NXN: variants seen among roughly 807,000 people sequenced by gnomAD.
NXN encodes the protein nucleoredoxin.
A neutral mutation model predicts 48.6 loss-of-function variants in NXN; 16 were observed. The observed-to-expected ratio is 0.33, with a 90% CI of 0.22 to 0.50. The LOEUF (loss-of-function observed/expected upper bound fraction) is 0.50. NXN is among the 20% of genes least tolerant of loss of function. The probability of loss-of-function intolerance (pLI) is 0.98; values close to 1 mark genes in which losing one functional copy is unlikely to be tolerated. For synonymous variants in NXN, 281 were observed against 269.6 expected (o/e 1.04, Z -0.41); for missense variants, 492 against 605.5 (o/e 0.81, Z 1.97).
intron 1 of NXN, among the ~76,000 whole-genome samples, chr17:896,378 G>T (rs1341350207): frequency 6.6e-6 from 1 of 151,842 alleles, no homozygotes; most frequent in African/African-American, 2.4e-5. Flanking sequence ...AGGCATGGTG[G>T]CGTGTGCCTG....
intron 1 of NXN, among the ~76,000 whole-genome samples, chr17:912,348 T>G (rs927135483): frequency 6.7e-6 from 1 of 149,020 alleles, no homozygotes; most frequent in South Asian, 2.1e-4. Context: ...TAAGATCTGT[T>G]GAGAAATTCC....
chr17:979,603 G>A lies in NXN; in HGVS notation c.76C>T (p.Leu26=). The A allele has an allele frequency of 6.9e-7, 1 of 1,457,166 alleles. No individual in the cohort carries two copies. The allele number at this position is 1,457,166 out of a possible 1,614,324, so 90.3% of individuals were successfully genotyped here. A position where few individuals can be genotyped will look rare whatever the true frequency, so the allele number is the denominator to read the frequency against. The change falls in exon 1 of 8, where the codon CTG becomes TTG. Residue 26 remains leucine, a synonymous_variant. Transcript: ENST00000336868. ...AGCAGCGAGATGCCGCGGGCGCCCA[G>A]CGAGTGCACGTCCACCTCCTCGCCG... The part of the protein sequence containing the change: ...GGGEEVDVHS[L]GARGISLLGL...
At chr17:805,319 G>A in intron 5 of NXN, 72 bp from the exon 6 acceptor site, 7 of 1,490,266 alleles carry the variant, frequency 4.7e-6, no homozygotes, top group Non-Finnish European at 6.3e-6. Context: ...GGCTCGCGGG[G>A]TCCAGCCCGG....
chr17:806,225 GCACAACC>G (rs1306825048), intron 5 of NXN, among the ~76,000 whole-genome samples: 12 of 66,450 alleles, frequency 1.8e-4, no homozygotes, highest in African/African-American at 7.2e-4. Context: ...CTGCACCCCA[GCACAACC>G]CCCTCCCCAG....
chr17:943,929 TCTC>T (rs760249107), intron 1 of NXN, among the ~76,000 whole-genome samples: 77 of 150,424 alleles, frequency 5.1e-4, no homozygotes, highest in Middle Eastern at 3.4e-3. Context: ...CGACAATCCT[TCTC>T]CTAAAAAAAA....
intron 1 of NXN, among the ~76,000 whole-genome samples, chr17:925,895 T>C (rs986950779): frequency 2.6e-5 from 4 of 152,234 alleles, no homozygotes; most frequent in African/African-American, 9.6e-5. Flanking sequence ...AGTCTTTAGT[T>C]TATCCAAAAC....
rs532473857 is a variant in NXN, at chr17:932,125, T to C, written c.360+47194A>G. On this transcript the variant is annotated intron_variant, in intron 1 of 7. Transcript: ENST00000336868. This position sits in a 1 kb window ranked among gnomAD's most constrained non-coding sequence, Gnocchi z 4.1. Reference sequence around the variant, plus strand: ...CACCACTGCACTCCAGCCTGGGCAATAGAGCAAGACCCTATCTCAAAAATA... The same window carrying C: ...CACCACTGCACTCCAGCCTGGGCAACAGAGCAAGACCCTATCTCAAAAATA... 6.6e-5 allele frequency among the ~76,000 whole-genome samples: 10 copies of C among 152,246 alleles called. No homozygotes were observed. The highest frequency in any genetic ancestry group is 3.9e-4 in the East Asian group (2 of 5,182).
rs1567829118 is a variant in NXN at position 843,045 on chromosome 17, AAAGAAAGAAAGAAGG to A, written c.361-16982_361-16968del. 2.0e-4 allele frequency among the ~76,000 whole-genome samples: 27 copies of A among 138,196 alleles called. 1 individual carries two copies. Among genetic ancestry groups the A allele is most frequent in the Middle Eastern group, 3.6e-3 (1 of 278 alleles). The allele number at this position is 138,196 out of a possible 152,430, so 90.7% of individuals were successfully genotyped here. A position where few individuals can be genotyped will look rare whatever the true frequency, so the allele number is the denominator to read the frequency against. Reference sequence around the variant, plus strand: ...GAAAGAAAGAAAGAAAGAAAGAAAGAAAGAAAGAAAGAAGGAAGAAAGCAAGCAAGCAAGCTGCAC... The same window carrying A: ...GAAAGAAAGAAAGAAAGAAAGAAAGAAAGAAAGCAAGCAAGCAAGCTGCAC... On this transcript the variant is annotated intron_variant, in intron 1 of 7. Coordinates refer to ENST00000336868, the MANE Select transcript of NXN (RefSeq NM_022463.5).
At chr17:822,483 C>A in intron 3 of NXN, 26 bp from the exon 4 acceptor site, 1 of 1,532,466 alleles carries the variant, frequency 6.5e-7, no homozygotes, top group Non-Finnish European at 9.0e-7. Flanking sequence ...GCAAGACCCG[C>A]TGCGTCACGC....
intron 5 of NXN, among the ~76,000 whole-genome samples, chr17:807,585 C>T (rs995630920): frequency 2.0e-5 from 3 of 150,900 alleles, no homozygotes; most frequent in Admixed American, 6.6e-5. Context: ...GGAGCCCCCA[C>T]CTGGCTTCTG....
At chr17:910,929 T>A (rs565806290) in intron 1 of NXN, 1 of 152,316 alleles carries the variant, frequency 6.6e-6, no homozygotes, top group African/African-American at 2.4e-5. Flanking sequence ...AAGGACAGTC[T>A]CCATGTTCCG....
intron 1 of NXN, among the ~76,000 whole-genome samples, chr17:901,763 A>C (rs970099132): frequency 2.0e-5 from 3 of 152,168 alleles, no homozygotes; most frequent in South Asian, 2.1e-4. Flanking sequence ...GCAGTGGCGC[A>C]ATCTCAGCTC....
intron 1 of NXN, among the ~76,000 whole-genome samples, chr17:944,003 C>A (rs940004360): frequency 2.0e-5 from 3 of 151,948 alleles, no homozygotes; most frequent in African/African-American, 7.3e-5. Context: ...TTTGGGAGGC[C>A]AAGGTGGGTG....
intron 1 of NXN, among the ~76,000 whole-genome samples, chr17:915,780 G>A (rs937135055): frequency 6.6e-6 from 1 of 152,218 alleles, no homozygotes; most frequent in Non-Finnish European, 1.5e-5. Context: ...CCAGAGCTGG[G>A]GCTTCCAGGT....
At chr17:817,585 C>T (rs1039086515) in intron 5 of NXN, among the ~76,000 whole-genome samples, 4 of 150,428 alleles carry the variant, frequency 2.7e-5, no homozygotes, top group African/African-American at 9.8e-5. Flanking sequence ...AGGAGAATGG[C>T]GTGAACCCGG....
intron 5 of NXN, among the ~76,000 whole-genome samples, chr17:818,802 G>A (rs58018307): frequency 0.025 from 3,715 of 151,246 alleles, 133 homozygotes; most frequent in African/African-American, 0.082. Context: ...GGAGAATGGC[G>A]TGAACCCGGG....
intron 1 of NXN, among the ~76,000 whole-genome samples, chr17:836,642 T>A (rs1309047618): frequency 1.3e-5 from 2 of 152,174 alleles, no homozygotes; most frequent in South Asian, 2.1e-4. Flanking sequence ...CGCTTATTAG[T>A]GGGTGACCCT....
chr17:906,355 T>A (rs1380620026), intron 1 of NXN, among the ~76,000 whole-genome samples: 4 of 152,206 alleles, frequency 2.6e-5, no homozygotes, highest in Admixed American at 2.6e-4. Flanking sequence ...ATACCATGTT[T>A]TTTAAAGTTT....
chr17:915,628 T>C (rs574069941), intron 1 of NXN, among the ~76,000 whole-genome samples: 1 of 152,276 alleles, frequency 6.6e-6, no homozygotes, highest in East Asian at 1.9e-4. Flanking sequence ...TGAGAATGAA[T>C]GAGTACATAG....
Sources: gnomAD v4.1 joint callset for allele counts (sites outside exome capture counted in the v4.1 genomes callset) on GRCh38, gnomAD v4.1.1 for gene constraint, Gnocchi (gnomAD v3.1) non-coding constraint, MANE v1.5 for transcripts, NCBI Gene and HGNC (gene_info 2026-07-23, HGNC 2026-07-21) for gene names.